Variants in MAEA observed in about 807,000 individuals in gnomAD.
MAEA encodes the protein macrophage erythroblast attacher, E3 ubiquitin ligase, also known as E3 ubiquitin-protein transferase MAEA.
In MAEA, 22 loss-of-function variants were observed where a neutral mutation model predicts 46.2. The observed-to-expected ratio is 0.48, with a 90% CI of 0.34 to 0.68. The LOEUF is 0.68. Ranked by LOEUF, MAEA falls within the 30% of genes least tolerant of loss-of-function variation. MAEA has a pLI of 0.01. For synonymous variants in MAEA, 246 were observed against 222.6 expected (o/e 1.11, Z -0.94); for missense variants, 393 against 558.1 (o/e 0.70, Z 2.98).
At chr4:1,292,484 C>G (rs1420430547) in intron 1 of MAEA, among the ~76,000 whole-genome samples, 1 of 152,252 alleles carries the variant, frequency 6.6e-6, no homozygotes, top group South Asian at 2.1e-4. Flanking sequence ...CCTTGGGCAC[C>G]TCTGTCGTCA....
intron 4 of MAEA, among the ~76,000 whole-genome samples, chr4:1,326,982 C>T (rs1577217158): frequency 2.0e-5 from 3 of 151,762 alleles, no homozygotes; most frequent in Admixed American, 2.0e-4. Flanking sequence ...CACATGTGGT[C>T]CCTGTCTCCT....
intron 1 of MAEA, among the ~76,000 whole-genome samples, chr4:1,295,157 C>G (rs866862843): frequency 6.6e-6 from 1 of 152,052 alleles, no homozygotes; most frequent in Non-Finnish European, 1.5e-5. Flanking sequence ...GTGACTGCCC[C>G]GTCTGCAGAG....
At chr4:1,306,464 G>C (rs900686363) in intron 1 of MAEA, among the ~76,000 whole-genome samples, 1 of 152,130 alleles carries the variant, frequency 6.6e-6, no homozygotes, top group African/African-American at 2.4e-5. Context: ...GCAGTGAGCC[G>C]AGATCACGCT....
At position 1,327,987 on chromosome 4, in the gene MAEA, G is replaced by A. The variant is rs540694710; in HGVS notation, c.656+284G>A. Among the ~76,000 whole-genome samples, 8 of 152,342 alleles carry A rather than the reference G, an allele frequency of 5.3e-5. No homozygotes were observed. In the South Asian group the frequency reaches 1.0e-3, roughly 20 times the overall value. On this transcript the variant is annotated intron_variant, in intron 5 of 8. Coordinates refer to ENST00000303400, the MANE Select transcript of MAEA (RefSeq NM_001017405.3). ...GGGAACCAGCTTTGAGGTCCCGACC[G>A]TCCACGTAAAACACGTGGATCAGGC...
chr4:1,299,507 A>G (rs1236441507), intron 1 of MAEA: 1 of 153,112 alleles, frequency 6.5e-6, no homozygotes, highest in Non-Finnish European at 1.5e-5. Context: ...CCAGCGCCAG[A>G]TCCTGTCGTC....
chr4:1,298,349 C>T (rs866509484), intron 1 of MAEA, among the ~76,000 whole-genome samples: 6 of 152,112 alleles, frequency 3.9e-5, no homozygotes, highest in Non-Finnish European at 7.4e-5. Flanking sequence ...TGGTTATCCA[C>T]GAAGAGGCAC....
chr4:1,326,790 G>A (rs1246590640), intron 4 of MAEA, among the ~76,000 whole-genome samples: 1 of 152,204 alleles, frequency 6.6e-6, no homozygotes, highest in Non-Finnish European at 1.5e-5. Flanking sequence ...CATTCCATGT[G>A]CCACCCGCCT....
intron 3 of MAEA, among the ~76,000 whole-genome samples, chr4:1,319,612 T>G (rs1042568277): frequency 2.6e-5 from 4 of 152,174 alleles, no homozygotes; most frequent in Non-Finnish European, 4.4e-5. Context: ...AGAGCAAAAC[T>G]ACAAAACAAG....
chr4:1,313,036 G>A (rs1225589001), intron 2 of MAEA, among the ~76,000 whole-genome samples: 1 of 152,232 alleles, frequency 6.6e-6, no homozygotes, highest in East Asian at 1.9e-4. Flanking sequence ...GTGGGGCCCA[G>A]TGGAGAGAAG....
intron 1 of MAEA, among the ~76,000 whole-genome samples, chr4:1,307,095 A>G (rs1735902535): frequency 6.6e-6 from 1 of 152,222 alleles, no homozygotes. Context: ...GTCAGGTGCC[A>G]TTTATCAAAA....
At chr4:1,297,628 G>C (rs995475407) in intron 1 of MAEA, among the ~76,000 whole-genome samples, 1 of 152,206 alleles carries the variant, frequency 6.6e-6, no homozygotes, top group Non-Finnish European at 1.5e-5. Context: ...GCATCTCTCT[G>C]TGCTTTGGTT....
intron 1 of MAEA, among the ~76,000 whole-genome samples, chr4:1,291,855 A>C (rs1010514803): frequency 6.6e-6 from 1 of 152,246 alleles, no homozygotes; most frequent in African/African-American, 2.4e-5. Context: ...ATAGTCATAC[A>C]GGTAAAGAAA....
chr4:1,334,773 G>A, intron 6 of MAEA: 3 of 652,774 alleles, frequency 4.6e-6, no homozygotes, highest in Non-Finnish European at 5.7e-6. Flanking sequence ...TTCAGAGAAT[G>A]GCAGAAGCCA....
At chr4:1,312,912 C>T (rs1736695481) in intron 2 of MAEA, among the ~76,000 whole-genome samples, 1 of 152,190 alleles carries the variant, frequency 6.6e-6, no homozygotes, top group South Asian at 2.1e-4. Context: ...AAGGAATCGC[C>T]AGGCCAGAAC....
chr4:1,304,731 G>A (rs747850918), intron 1 of MAEA, among the ~76,000 whole-genome samples: 2 of 152,068 alleles, frequency 1.3e-5, no homozygotes, highest in Non-Finnish European at 2.9e-5. Flanking sequence ...GAACCACCAC[G>A]CCCGGCCCCT....
chr4:1,339,014 G>A, intron 8 of MAEA, 60 bp from the exon 9 acceptor site: 1 of 1,342,486 alleles, frequency 7.4e-7, no homozygotes, highest in South Asian at 1.2e-5. Flanking sequence ...GATTTTCCAT[G>A]GAAATCCGTG....
intron 1 of MAEA, chr4:1,309,817 A>G (rs1392114877): frequency 9.4e-6 from 13 of 1,375,814 alleles, no homozygotes; most frequent in Non-Finnish European, 1.1e-5. Context: ...TCCTGTCTGC[A>G]GCACACCAGC....
chr4:1,311,912 C>T lies in MAEA; in HGVS notation c.70-67C>T. ...GTGCCATGAGGAGACCTGGTGTGTCCTGGGTGTGGGGCTGGTGGGGCTCAC... is the reference window on the plus strand; with the variant it reads ...GTGCCATGAGGAGACCTGGTGTGTCTTGGGTGTGGGGCTGGTGGGGCTCAC... On this transcript the variant is annotated intron_variant, in intron 1 of 8. Coordinates refer to ENST00000303400, the MANE Select transcript of MAEA (RefSeq NM_001017405.3). The surrounding 1 kb of genome is among the most constrained non-coding windows in gnomAD (Gnocchi z 4.4). 2 of 1,459,934 alleles carry T rather than the reference C, an allele frequency of 1.4e-6. No homozygotes were observed. The highest frequency in any genetic ancestry group is 1.9e-6 in the Non-Finnish European group (2 of 1,060,240). The allele number at this position is 1,459,934 out of a possible 1,614,324, so 90.4% of individuals were successfully genotyped here. A position where few individuals can be genotyped will look rare whatever the true frequency, so the allele number is the denominator to read the frequency against.
chr4:1,309,538 C>A, intron 1 of MAEA: 1 of 1,416,372 alleles, frequency 7.1e-7, no homozygotes, highest in East Asian at 2.6e-5. Context: ...GCGCTCATCC[C>A]CTGAACTCAG....
Sources: allele counts gnomAD v4.1 joint callset (sites outside exome capture counted in the v4.1 genomes callset), GRCh38; gene constraint gnomAD v4.1.1; non-coding constraint Gnocchi (gnomAD v3.1); transcripts MANE v1.5; gene names NCBI Gene and HGNC (gene_info 2026-07-23, HGNC 2026-07-21).